Variants in REG1B observed in about 807,000 individuals in gnomAD.
The protein encoded by REG1B is regenerating family member 1 beta.
Under a neutral mutation model 20.4 loss-of-function variants are expected in REG1B, and 21 were observed. That is an observed-to-expected ratio of 1.03 (90% CI 0.73 to 1.48). The LOEUF (loss-of-function observed/expected upper bound fraction) is 1.48. REG1B is among the 40% of genes most tolerant of loss of function. REG1B has a pLI of 0.00. For missense variants in REG1B, 247 were observed against 197.2 expected (o/e 1.25, Z -1.51); for synonymous variants, 82 against 73.4 (o/e 1.12, Z -0.60).
At chr2:79,087,697 G>C in intron 1 of REG1B, 39 bp from the exon 2 acceptor site, 1 of 1,313,300 alleles carries the variant, frequency 7.6e-7, no homozygotes, top group Non-Finnish European at 1.1e-6. Context: ...GAAGAAGAGA[G>C]CAGAGCACCT....
Position 79,085,103 on chromosome 2 carries a change from C to T in REG1B, c.*113G>A. ...GTGAAGGTACTGAAGATCAGCGATG[C>T]AAACTCATTAGGGAGGAGATGGTCT... On this transcript the variant is annotated 3_prime_UTR_variant, in exon 6 of 6. Transcript: ENST00000305089. 1.3e-6 allele frequency: 1 copy of T among 748,768 alleles called. No individual in the cohort carries two copies. Among genetic ancestry groups the T allele is most frequent in the Middle Eastern group, 2.9e-4 (1 of 3,492 alleles). The allele number at this position is 748,768 out of a possible 1,614,324, so 46.4% of individuals were successfully genotyped here. A position where few individuals can be genotyped will look rare whatever the true frequency, so the allele number is the denominator to read the frequency against.
Position 79,087,548 on chromosome 2 carries a change from C to G in REG1B, c.64+1G>C. On this transcript the variant is annotated splice_donor_variant, in intron 2 of 5. Transcript: ENST00000305089. LOFTEE classifies it high-confidence loss of function. The stretch of plus-strand genomic sequence containing the variant: ...GTGGGAAGTGTGGGGGAAAATCTCA[C>G]CTTGGCTCAGAGACAGGAACATCAG... 6.2e-7 allele frequency: 1 copy of G among 1,613,616 alleles called. No homozygotes were observed. Among genetic ancestry groups the G allele is most frequent in the South Asian group, 1.1e-5 (1 of 91,022 alleles).
In REG1B at chr2:79,087,219, T is replaced by C. The variant is rs1487742133; in HGVS notation, c.65-289A>G. 1.9e-5 allele frequency: 10 copies of C among 528,434 alleles called. No individual in the cohort carries two copies. The South Asian group carries it at 2.5e-4, about 13-fold the overall frequency. 32.7% of individuals were successfully genotyped at this position (528,434 alleles called of 1,614,324 possible). A position where few individuals can be genotyped will look rare whatever the true frequency, so the allele number is the denominator to read the frequency against. ...GACCCAGGCTTCCTCCTTTCTCAAG[T>C]TTCTCTCGGTTTCCCTGCACACGTT... On this transcript the variant is annotated intron_variant, in intron 2 of 5. Coordinates refer to ENST00000305089, the MANE Select transcript of REG1B (RefSeq NM_006507.4).
At chr2:79,087,864 G>T in intron 1 of REG1B, 95 bp downstream of exon 1, 1 of 395,262 alleles carries the variant, frequency 2.5e-6, no homozygotes, top group Non-Finnish European at 4.5e-6. Flanking sequence ...ATTACTACTG[G>T]GATCTTTTAT....
chr2:79,085,875 T>C (rs988285043), intron 4 of REG1B: 6 of 293,444 alleles, frequency 2.0e-5, no homozygotes, highest in African/African-American at 1.1e-4. Context: ...GTTTCTGATT[T>C]TTTTCCTGAA....
At chr2:79,086,179 G>A (rs1186818044) in intron 4 of REG1B, 188 bp downstream of exon 4, 1 of 593,158 alleles carries the variant, frequency 1.7e-6, no homozygotes, top group Non-Finnish European at 2.9e-6. Context: ...AGAAAATTCA[G>A]CCTTCAGCTC....
intron 3 of REG1B, 117 bp from the exon 4 acceptor site, chr2:79,086,621 T>C: frequency 7.1e-7 from 1 of 1,402,576 alleles, no homozygotes; most frequent in Non-Finnish European, 1.0e-6. Context: ...GATGATGCTG[T>C]CACTGACCAC....
At chr2:79,087,134 G>C (rs1266494862) in intron 2 of REG1B, 5 of 580,526 alleles carry the variant, frequency 8.6e-6, no homozygotes, top group Non-Finnish European at 1.5e-5. Context: ...ACAATGAATA[G>C]GCTAAATAAA....
At chr2:79,086,294 G>C (rs559285990) in intron 4 of REG1B, 73 bp downstream of exon 4, 7 of 1,482,234 alleles carry the variant, frequency 4.7e-6, no homozygotes, top group Non-Finnish European at 6.5e-6. Context: ...TGGTGATTGC[G>C]GTGCCAGACC....
intron 2 of REG1B, 60 bp downstream of exon 2, chr2:79,087,489 A>T (rs1672416880): frequency 6.4e-7 from 1 of 1,551,066 alleles, no homozygotes; most frequent in East Asian, 2.3e-5. Flanking sequence ...AACCTTATAC[A>T]TGAGGATGGA....
chr2:79,086,624 C>G lies in REG1B; in HGVS notation c.184-120G>C, dbSNP rs950208548. The G allele has an allele frequency of 8.7e-6, 12 of 1,385,374 alleles. No individual in the cohort carries two copies. The African/African-American group carries it at 1.7e-4, about 20-fold the overall frequency. The allele number at this position is 1,385,374 out of a possible 1,614,324, so 85.8% of individuals were successfully genotyped here. On this transcript the variant is annotated intron_variant, in intron 3 of 5. Coordinates refer to ENST00000305089, the MANE Select transcript of REG1B (RefSeq NM_006507.4). ...AGAAATGTCCCTGATGATGCTGTCA[C>G]TGACCACCAGCATCTCTGTGCTGGG...
In REG1B at chr2:79,085,512, G is replaced by A; in HGVS notation, c.413C>T (p.Ala138Val). The change falls in exon 5 of 6, where the codon GCA becomes GTA. Residue 138 changes from alanine to valine, a missense_variant. Ala to Val is a moderately conservative substitution (Grantham distance 64). Coordinates refer to ENST00000305089, the MANE Select transcript of REG1B (RefSeq NM_006507.4). ...CTCACCTGAGCATGAAGTCAGGCTT[G>A]CACAGTAGCCAGCATTAGCACTGCT... ...SPSSANAGYC[A>V]SLTSCSGFKK... 2 of 1,613,608 alleles carry A rather than the reference G, an allele frequency of 1.2e-6. No homozygotes were observed. The highest frequency in any genetic ancestry group is 1.7e-6 in the Non-Finnish European group (2 of 1,179,586).
intron 4 of REG1B, 89 bp from the exon 5 acceptor site, chr2:79,085,692 A>G: frequency 1.4e-6 from 1 of 720,168 alleles, no homozygotes; most frequent in Non-Finnish European, 2.4e-6. Context: ...AAACAGGCCA[A>G]GTTATAGCAG....
rs3739143 is a variant in REG1B at position 79,085,396 on chromosome 2, A to G, written c.433+96T>C. On this transcript the variant is annotated intron_variant, in intron 5 of 5. Coordinates refer to ENST00000305089, the MANE Select transcript of REG1B (RefSeq NM_006507.4). ...GAAATACTTCTTTATTTTCCAGATA[A>G]GGAGCTTACCTTTCCTCTATCCCAG... The G allele has an allele frequency of 6.9e-4, 931 of 1,358,310 alleles. 6 individuals are homozygous for G. In the East Asian group the frequency reaches 0.02, roughly 29 times the overall value. The allele number at this position is 1,358,310 out of a possible 1,614,324, so 84.1% of individuals were successfully genotyped here. A position where few individuals can be genotyped will look rare whatever the true frequency, so the allele number is the denominator to read the frequency against.
chr2:79,086,838 C>G lies in REG1B; in HGVS notation c.157G>C (p.Asp53His). ...TCTGCATCAACCCAGGTCTCAGGGT[C>G]TTCATTAAAGTAGTAGCAGTAGGAG... ...YRSYCYYFNEDPETWVDADLY... is the reference protein window; with the variant it reads ...YRSYCYYFNEHPETWVDADLY... Residue 53 changes from aspartate (D) to histidine (H), a missense_variant, in exon 3 of 6, where the codon GAC becomes CAC. Physicochemically the swap from Asp to His is moderately conservative, Grantham distance 81. Transcript: ENST00000305089. The G allele has an allele frequency of 6.2e-7, 1 of 1,613,936 alleles. No homozygotes were observed. The highest frequency in any genetic ancestry group is 8.5e-7 in the Non-Finnish European group (1 of 1,179,952).
In REG1B at chr2:79,085,195, A is replaced by G; in HGVS notation, c.*21T>C. The stretch of plus-strand genomic sequence containing the variant: ...ATAGTAATTGCAGGACCAGTTCTAG[A>G]CATCCATTTTTCAGCTTCCTCTAGT... On this transcript the variant is annotated 3_prime_UTR_variant, in exon 6 of 6. Transcript: ENST00000305089. The G allele has an allele frequency of 1.3e-6, 2 of 1,584,062 alleles. No homozygotes were observed. Among genetic ancestry groups the G allele is most frequent in the Non-Finnish European group, 1.7e-6 (2 of 1,152,574 alleles).
Position 79,085,604 on chromosome 2 carries a change from C to A in REG1B, c.322-1G>T. On this transcript the variant is annotated splice_acceptor_variant, in intron 4 of 5. Transcript: ENST00000305089. LOFTEE classifies it high-confidence loss of function. ...CACTACTCCAGTGCCAGCGGCGGTT[C>A]TAGATGGAGAAGGGCCAGAACAGGG... The A allele has an allele frequency of 6.2e-7, 1 of 1,607,292 alleles. No individual in the cohort carries two copies. The highest frequency in any genetic ancestry group is 8.5e-7 in the Non-Finnish European group (1 of 1,175,226).
At chr2:79,086,592 A>G (rs771771107) in intron 3 of REG1B, 88 bp from the exon 4 acceptor site, 183 of 1,536,918 alleles carry the variant, frequency 1.2e-4, no homozygotes, top group Non-Finnish European at 1.5e-4. Flanking sequence ...CAGAAAAAGG[A>G]CAGCACAGAA....
rs1293712005 is a variant in REG1B at position 79,085,260 on chromosome 2, A to G, written c.457T>C (p.Ser153Pro). The change falls in exon 6 of 6, where the codon TCT becomes CCT. Residue 153 changes from serine to proline, a missense_variant. Coordinates refer to ENST00000305089, the MANE Select transcript of REG1B (RefSeq NM_006507.4). Reference sequence around the variant, plus strand: ...ACAAAGGAGAACTTCTTCTCACAAGATTCATCCTTCCATTTCTTGAATCCT... The same window carrying G: ...ACAAAGGAGAACTTCTTCTCACAAGGTTCATCCTTCCATTTCTTGAATCCT... ...CSGFKKWKDE[S>P]CEKKFSFVCK... 1 of 1,613,216 alleles carries G rather than the reference A, an allele frequency of 6.2e-7. No individual in the cohort carries two copies. The highest frequency in any genetic ancestry group is 2.2e-5 in the East Asian group (1 of 44,856).
Sources: gnomAD v4.1 joint callset for allele counts on GRCh38, gnomAD v4.1.1 for gene constraint, MANE v1.5 for transcripts, NCBI Gene and HGNC (gene_info 2026-07-23, HGNC 2026-07-21) for gene names.